The following MYPN variants were observed in gnomAD, a reference collection of about 807,000 sequenced individuals.
MYPN encodes the protein myopalladin, also known as sarcomeric protein myopalladin, 145 kDa (MYOP).
A neutral mutation model predicts 129.4 loss-of-function variants in MYPN; 63 were observed. The observed-to-expected ratio is 0.49, with a 90% CI of 0.40 to 0.60. The LOEUF (loss-of-function observed/expected upper bound fraction) is 0.60. Ranked by LOEUF, MYPN falls within the 20% of genes least tolerant of loss-of-function variation. The probability of loss-of-function intolerance (pLI) is 0.00; values close to 1 mark genes in which losing one functional copy is unlikely to be tolerated. For synonymous variants in MYPN, 629 were observed against 600.9 expected, an observed-to-expected ratio of 1.05 and a Z score of -0.68; for missense variants, 1,596 against 1,635.4, an observed-to-expected ratio of 0.98 and a Z score of 0.42.
At chr10:68,100,186 T>G (rs1280114002) in intron 1 of MYPN, among the ~76,000 whole-genome samples, 1 of 152,186 alleles carries the variant, frequency 6.6e-6, no homozygotes. Context: ...CTATACTTCC[T>G]GGGTTATTGT....
At chr10:68,169,337 A>G (rs953334721) in intron 10 of MYPN, among the ~76,000 whole-genome samples, 2 of 149,686 alleles carry the variant, frequency 1.3e-5, no homozygotes, top group African/African-American at 2.5e-5. Flanking sequence ...CAGCCTGGGC[A>G]ACAGAGTGAG....
chr10:68,156,612 GTC>G (rs568868870), intron 6 of MYPN, among the ~76,000 whole-genome samples: 24 of 152,274 alleles, frequency 1.6e-4, no homozygotes, highest in African/African-American at 5.8e-4. Context: ...TGAGGTGAAA[GTC>G]TCTTACACAG....
intron 2 of MYPN, among the ~76,000 whole-genome samples, chr10:68,131,666 A>G (rs990365329): frequency 6.6e-6 from 1 of 152,188 alleles, no homozygotes; most frequent in African/African-American, 2.4e-5. Flanking sequence ...GGTGTAAGCC[A>G]CTATGCCAGC....
At position 68,166,549 on chromosome 10, in the gene MYPN, C is replaced by A. The variant is rs1329226753; in HGVS notation, c.1856C>A (p.Thr619Asn). The A allele has an allele frequency of 6.2e-7, 1 of 1,614,152 alleles. No individual in the cohort carries two copies. The highest frequency in any genetic ancestry group is 1.1e-5 in the South Asian group (1 of 91,080). Residue 619 changes from threonine to asparagine, a missense_variant, in exon 10 of 20, where the codon ACC becomes AAC. Physicochemically the swap from Thr to Asn is moderately conservative, Grantham distance 65 (BLOSUM62 0). Coordinates refer to ENST00000358913, the MANE Select transcript of MYPN (RefSeq NM_032578.4). ...GCATCCTCCGAGGCTGGTGTGGTGA[C>A]CACCAGACAGACCAGGCCCGATTCT... ...SEASSEAGVV[T>N]TRQTRPDSFQ...
At chr10:68,182,472 A>G (rs1380058332) in intron 12 of MYPN, among the ~76,000 whole-genome samples, 2 of 51,644 alleles carry the variant, frequency 3.9e-5, no homozygotes, top group Admixed American at 1.9e-4. Context: ...TAACATATAT[A>G]CACACACACA....
intron 12 of MYPN, among the ~76,000 whole-genome samples, chr10:68,185,474 C>T (rs893306275): frequency 4.8e-4 from 73 of 152,208 alleles, no homozygotes; most frequent in African/African-American, 1.6e-3. Flanking sequence ...CCCCCTGCCA[C>T]GTACAGGCTC....
chr10:68,152,982 T>TTTTATTTTA (rs2042802503), intron 6 of MYPN, among the ~76,000 whole-genome samples: 1 of 64,736 alleles, frequency 1.5e-5, no homozygotes, highest in African/African-American at 3.5e-5. Context: ...ATTTTATTTA[T>TTTTATTTTA]TTTATTTTAT....
intron 1 of MYPN, among the ~76,000 whole-genome samples, chr10:68,091,103 C>T (rs776750021): frequency 3.0e-4 from 46 of 152,130 alleles, no homozygotes; most frequent in Non-Finnish European, 6.5e-4. Context: ...CTTTTCTTTA[C>T]GAGGAAACTT....
chr10:68,094,147 T>C (rs2133937249), intron 1 of MYPN, among the ~76,000 whole-genome samples: 1 of 152,300 alleles, frequency 6.6e-6, no homozygotes, highest in Non-Finnish European at 1.5e-5. Context: ...CAGCAGTATC[T>C]TTACGATCTA....
intron 1 of MYPN, among the ~76,000 whole-genome samples, chr10:68,095,388 C>A (rs1012598381): frequency 4.0e-5 from 6 of 151,746 alleles, no homozygotes; most frequent in Non-Finnish European, 7.4e-5. Flanking sequence ...GAAAGGCATG[C>A]ATATGACTAA....
At chr10:68,126,176 G>C (rs931500248) in intron 2 of MYPN, among the ~76,000 whole-genome samples, 7 of 152,146 alleles carry the variant, frequency 4.6e-5, no homozygotes, top group Admixed American at 3.9e-4. Context: ...AGGTAAGAAA[G>C]ATTAGAGATA....
chr10:68,186,439 G>C (rs1434592383), intron 12 of MYPN, among the ~76,000 whole-genome samples: 7 of 152,100 alleles, frequency 4.6e-5, no homozygotes, highest in Admixed American at 4.6e-4. Context: ...TTACTCTCCC[G>C]CTGACTAGGG....
At position 68,210,415 on chromosome 10, in the gene MYPN, C is replaced by T. The variant is rs781048271; in HGVS notation, c.3923C>T (p.Ser1308Leu). The T allele has an allele frequency of 1.1e-5, 18 of 1,614,070 alleles. No individual in the cohort carries two copies. The highest frequency in any genetic ancestry group is 1.5e-5 in the Non-Finnish European group (18 of 1,180,034). Residue 1308 changes from serine to leucine, a missense_variant, in exon 20 of 20, where the codon TCA becomes TTA. Coordinates refer to ENST00000358913, the MANE Select transcript of MYPN (RefSeq NM_032578.4). ...FSSMESTMVY[S>L]CSSRSVVESD... ...TCCATGGAAAGCACGATGGTGTATT[C>T]ATGCTCTTCTCGGAGTGTAGTGGAG... is the stretch of plus-strand genomic sequence containing the variant.
chr10:68,147,383 T>C (rs769809440), intron 4 of MYPN, among the ~76,000 whole-genome samples: 1 of 152,146 alleles, frequency 6.6e-6, no homozygotes, highest in Non-Finnish European at 1.5e-5. Context: ...TCTTGAACTC[T>C]TGGTCTTAAG....
chr10:68,175,206 C>G (rs1446150377), intron 11 of MYPN, 117 bp from the exon 12 acceptor site: 1 of 1,098,530 alleles, frequency 9.1e-7, no homozygotes, highest in African/African-American at 1.5e-5. Context: ...GGCTTAATTC[C>G]CTAAGTGCCT....
rs1196367784 is a variant in MYPN, at chr10:68,121,906, C to G, written c.468C>G (p.Asp156Glu). 2.5e-6 allele frequency: 4 copies of G among 1,614,096 alleles called. No individual in the cohort carries two copies. The highest frequency in any genetic ancestry group is 3.4e-6 in the Non-Finnish European group (4 of 1,180,044). The change falls in exon 2 of 20, where the codon GAC (aspartate) becomes GAG (glutamate). Residue 156 changes from aspartate to glutamate, a missense_variant. By Grantham distance (45) the Asp-to-Glu change is conservative (BLOSUM62 2). Transcript: ENST00000358913. ...SKKVFLNKAA[D>E]FIEELSSLFK... The stretch of plus-strand genomic sequence containing the variant: ...AAGTATTTTTAAATAAGGCTGCCGA[C>G]TTCATTGAAGAGCTATCCTCCCTTT...
intron 10 of MYPN, among the ~76,000 whole-genome samples, chr10:68,172,930 G>A (rs753943806): frequency 6.6e-5 from 10 of 152,000 alleles, no homozygotes; most frequent in Admixed American, 2.0e-4. Context: ...AAAATTAGCC[G>A]GGCATGGTGG....
At chr10:68,169,717 G>T (rs2043115835) in intron 10 of MYPN, among the ~76,000 whole-genome samples, 1 of 151,672 alleles carries the variant, frequency 6.6e-6, no homozygotes, top group Admixed American at 6.6e-5. Flanking sequence ...CAGTCAGAAG[G>T]GACAATGGGC....
chr10:68,169,201 A>C lies in MYPN; in HGVS notation c.1973+2535A>C, dbSNP rs1169756574. Among the ~76,000 whole-genome samples the C allele has an allele frequency of 3.2e-3, 269 of 83,074 alleles. 4 individuals carry two copies. Among genetic ancestry groups the C allele is most frequent in the African/African-American group, 8.9e-3 (261 of 29,484 alleles). 54.5% of individuals were successfully genotyped at this position (83,074 alleles called of 152,430 possible). A position where few individuals can be genotyped will look rare whatever the true frequency, so the allele number is the denominator to read the frequency against. On this transcript the variant is annotated intron_variant, in intron 10 of 19. Transcript: ENST00000358913. ...TCTACTAAAAAAAAAAAAAAAAAAA[A>C]AAAAAAATTAGCCAGGTGTTGTGGC...
Sources: allele counts gnomAD v4.1 joint callset (sites outside exome capture counted in the v4.1 genomes callset), GRCh38; gene constraint gnomAD v4.1.1; transcripts MANE v1.5; gene names NCBI Gene and HGNC (gene_info 2026-07-23, HGNC 2026-07-21).